Variants in ARHGAP26 observed in about 807,000 individuals in gnomAD.
ARHGAP26 encodes the protein Rho GTPase activating protein 26.
ARHGAP26 carries 38 observed loss-of-function variants against 104.8 expected under a neutral mutation model. That is an observed-to-expected ratio of 0.36 (90% CI 0.28 to 0.48). The LOEUF (loss-of-function observed/expected upper bound fraction) is 0.48, where lower values mean the gene tolerates loss of function less well. ARHGAP26 is among the 20% of genes least tolerant of loss of function. ARHGAP26 has a pLI of 0.99. For synonymous variants in ARHGAP26, 341 were observed against 340.0 expected, an observed-to-expected ratio of 1.00 and a Z score of -0.03; for missense variants, 704 against 947.9, an observed-to-expected ratio of 0.74 and a Z score of 3.38.
chr5:143,104,337 C>T (rs1205904818), intron 17 of ARHGAP26, among the ~76,000 whole-genome samples: 1 of 151,952 alleles, frequency 6.6e-6, no homozygotes, highest in Non-Finnish European at 1.5e-5. Context: ...TGGTGAAACC[C>T]CATCTCTACT....
chr5:142,848,763 A>T (rs1486572618), intron 1 of ARHGAP26, among the ~76,000 whole-genome samples: 1 of 152,212 alleles, frequency 6.6e-6, no homozygotes, highest in African/African-American at 2.4e-5. Context: ...AGCAGTCTAC[A>T]AAATTGGAAG....
intron 1 of ARHGAP26, among the ~76,000 whole-genome samples, chr5:142,801,252 T>G: frequency 6.6e-6 from 1 of 152,242 alleles, no homozygotes; most frequent in East Asian, 1.9e-4. Flanking sequence ...TTCTCCCTCC[T>G]GTCATCTTGA....
At chr5:142,865,761 A>C (rs1249744118) in intron 1 of ARHGAP26, among the ~76,000 whole-genome samples, 1 of 151,988 alleles carries the variant, frequency 6.6e-6, no homozygotes, top group African/African-American at 2.4e-5. Flanking sequence ...TCCAGTTCCC[A>C]TTTCTTTAAG....
intron 11 of ARHGAP26, among the ~76,000 whole-genome samples, chr5:142,966,242 A>G (rs696521): frequency 0.38 from 57,960 of 152,030 alleles, 12,353 homozygotes; most frequent in East Asian, 0.78. Flanking sequence ...ACCTACACAG[A>G]CAGCTCTCAG....
intron 19 of ARHGAP26, among the ~76,000 whole-genome samples, chr5:143,138,648 T>G (rs1294566503): frequency 2.6e-5 from 4 of 152,174 alleles, no homozygotes; most frequent in African/African-American, 9.7e-5. Flanking sequence ...CGGAGAGAAC[T>G]GTAGAAAGGT....
At chr5:142,823,257 C>T (rs1428553414) in intron 1 of ARHGAP26, among the ~76,000 whole-genome samples, 2 of 152,124 alleles carry the variant, frequency 1.3e-5, no homozygotes, top group East Asian at 3.9e-4. Context: ...AGGACACTGA[C>T]CTGTAGAAAG....
intron 1 of ARHGAP26, among the ~76,000 whole-genome samples, chr5:142,845,771 G>A (rs570006896): frequency 6.8e-4 from 104 of 152,282 alleles, no homozygotes; most frequent in Middle Eastern, 3.4e-3. Flanking sequence ...GATGGCTTCA[G>A]GGACATGACT....
intron 17 of ARHGAP26, among the ~76,000 whole-genome samples, chr5:143,102,599 C>G (rs559149559): frequency 6.6e-6 from 1 of 152,366 alleles, no homozygotes; most frequent in South Asian, 2.1e-4. Context: ...GGTTACACCC[C>G]TGTGCCTGTT....
At chr5:143,172,829 T>C (rs1429710255) in intron 20 of ARHGAP26, 1 of 162,250 alleles carries the variant, frequency 6.2e-6, no homozygotes, top group Non-Finnish European at 1.4e-5. Flanking sequence ...CTACATGACA[T>C]GTATTCTAAA....
chr5:142,786,593 T>C (rs1380188595), intron 1 of ARHGAP26, among the ~76,000 whole-genome samples: 3 of 151,760 alleles, frequency 2.0e-5, no homozygotes, highest in South Asian at 2.1e-4. Flanking sequence ...ATCTCAGTTA[T>C]GGAGAAAACA....
chr5:143,021,274 C>A (rs755128978), intron 12 of ARHGAP26, among the ~76,000 whole-genome samples: 6 of 152,136 alleles, frequency 3.9e-5, no homozygotes, highest in Non-Finnish European at 7.4e-5. Context: ...AAATTACAGA[C>A]ATTTTCTGAT....
chr5:143,174,194 T>A (rs1441941212), intron 20 of ARHGAP26, among the ~76,000 whole-genome samples: 1 of 152,170 alleles, frequency 6.6e-6, no homozygotes, highest in Non-Finnish European at 1.5e-5. Context: ...TAGGTAACAA[T>A]CTATTGTTCA....
rs138560463 is a variant in ARHGAP26 at position 143,041,823 on chromosome 5, C to T, written c.1218C>T (p.Asn406=). ...CACTGTTTCTTTCCTCAGGGATCAA[C>T]GAGCAAGGGCTGTATCGAATTGTGG... ...CIHAVETRGI[N]EQGLYRIVGV... Residue 406 remains asparagine, a synonymous_variant, in exon 14 of 23, where the codon AAC becomes AAT. Coordinates refer to ENST00000645722, the MANE Select transcript of ARHGAP26 (RefSeq NM_001135608.3). 1.7e-4 allele frequency: 265 copies of T among 1,605,922 alleles called. 1 individual carries two copies. The East Asian group carries it at 3.6e-3, about 22-fold the overall frequency.
chr5:142,856,883 G>C (rs1156800552), intron 1 of ARHGAP26, among the ~76,000 whole-genome samples: 1 of 152,170 alleles, frequency 6.6e-6, no homozygotes, highest in Non-Finnish European at 1.5e-5. Flanking sequence ...CATGGATCCC[G>C]AGGGACAACT....
intron 8 of ARHGAP26, among the ~76,000 whole-genome samples, chr5:142,905,259 T>G (rs745727292): frequency 6.6e-6 from 1 of 152,232 alleles, no homozygotes; most frequent in Non-Finnish European, 1.5e-5. Context: ...TCAATGTTGT[T>G]TTTTTGCACT....
chr5:143,029,307 A>T (rs949014628), intron 12 of ARHGAP26, among the ~76,000 whole-genome samples: 2 of 151,346 alleles, frequency 1.3e-5, no homozygotes, highest in Non-Finnish European at 2.9e-5. Context: ...TGGTGAGAAC[A>T]TGCCCCTGAA....
At chr5:143,087,978 T>C (rs536276416) in intron 17 of ARHGAP26, among the ~76,000 whole-genome samples, 49 of 152,226 alleles carry the variant, frequency 3.2e-4, no homozygotes, top group African/African-American at 1.1e-3. Flanking sequence ...GAAGAGTGAG[T>C]CCTTCTCAAA....
intron 7 of ARHGAP26, among the ~76,000 whole-genome samples, chr5:142,902,426 G>A (rs1422508178): frequency 6.6e-6 from 1 of 152,172 alleles, no homozygotes; most frequent in East Asian, 1.9e-4. Flanking sequence ...GGGAATGGGG[G>A]CTGGGGACAC....
chr5:142,900,732 T>C (rs1760204959), intron 6 of ARHGAP26, among the ~76,000 whole-genome samples: 1 of 152,122 alleles, frequency 6.6e-6, no homozygotes, highest in Non-Finnish European at 1.5e-5. Flanking sequence ...TAAATTTTTT[T>C]TTTACATAAT....
Sources: gnomAD v4.1 joint callset for allele counts (sites outside exome capture counted in the v4.1 genomes callset) on GRCh38, gnomAD v4.1.1 for gene constraint, MANE v1.5 for transcripts, NCBI Gene and HGNC (gene_info 2026-07-23, HGNC 2026-07-21) for gene names.